Variants in FBXL17 observed in about 807,000 individuals in gnomAD.
FBXL17 encodes the protein F-box and leucine rich repeat protein 17, also known as F-box/LRR-repeat protein 17.
In FBXL17, 22 loss-of-function variants were observed where a neutral mutation model predicts 66.2. The observed-to-expected ratio is 0.33, with a 90% confidence interval of 0.24 to 0.47. The LOEUF (loss-of-function observed/expected upper bound fraction) is 0.47, where lower values mean the gene tolerates loss of function less well. Among genes scored for constraint, FBXL17 ranks in the 20% least tolerant of loss-of-function variants. The pLI, the probability that FBXL17 is intolerant of heterozygous loss-of-function variation, is 1.00. For synonymous variants in FBXL17, 474 were observed against 400.5 expected (o/e 1.18, Z -2.19); for missense variants, 878 against 948.2 (o/e 0.93, Z 0.97).
chr5:108,109,846 T>C (rs1749961870), intron 6 of FBXL17, among the ~76,000 whole-genome samples: 1 of 152,204 alleles, frequency 6.6e-6, no homozygotes. Flanking sequence ...CAATACTACA[T>C]TTTATCTGAA....
At chr5:108,020,648 T>C (rs1457501105) in intron 7 of FBXL17, among the ~76,000 whole-genome samples, 1 of 151,804 alleles carries the variant, frequency 6.6e-6, no homozygotes, top group Non-Finnish European at 1.5e-5. Context: ...ATACCTCTTT[T>C]AGCTATACTT....
intron 4 of FBXL17, among the ~76,000 whole-genome samples, chr5:108,242,232 A>C (rs1755885381): frequency 1.3e-5 from 2 of 152,200 alleles, no homozygotes; most frequent in Non-Finnish European, 2.9e-5. Context: ...AGATATAGAT[A>C]GTACAATAAG....
rs543346520 is a variant in FBXL17 at position 108,253,258 on chromosome 5, A to T, written c.1507-29030T>A. 3.1e-4 allele frequency among the ~76,000 whole-genome samples: 45 copies of T among 147,480 alleles called. 1 individual carries two copies. In the East Asian group the frequency reaches 7.3e-3, roughly 24 times the overall value. On this transcript the variant is annotated intron_variant, in intron 4 of 8. Transcript: ENST00000542267. The stretch of plus-strand genomic sequence containing the variant: ...TAGGGAAAAAAGGTGATTTTTTTAA[A>T]AATTTTTATTTCTGTCCTGAGCAGG...
chr5:108,108,798 T>C (rs1231013491), intron 6 of FBXL17, among the ~76,000 whole-genome samples: 1 of 151,260 alleles, frequency 6.6e-6, no homozygotes, highest in Non-Finnish European at 1.5e-5. Context: ...TTTTTTTTTT[T>C]TTGAGACAGA....
At chr5:108,221,799 A>T (rs1035365846) in intron 5 of FBXL17, among the ~76,000 whole-genome samples, 14 of 152,174 alleles carry the variant, frequency 9.2e-5, no homozygotes, top group Admixed American at 9.2e-4. Flanking sequence ...TTTATTAAAA[A>T]CTGAGTCTAC....
rs116423148 is a variant in FBXL17 at position 108,010,761 on chromosome 5, G to A, written c.1822+10164C>T. 4.1e-3 allele frequency among the ~76,000 whole-genome samples: 622 copies of A among 152,170 alleles called. 4 individuals carry two copies. The highest frequency in any genetic ancestry group is 0.014 in the African/African-American group (599 of 41,520). ...CACTATCAAAAATAGGGCAATTTGA[G>A]CATCAATAAAAAAAAATTGCAATGG... On this transcript the variant is annotated intron_variant, in intron 7 of 8. Transcript: ENST00000542267.
intron 6 of FBXL17, among the ~76,000 whole-genome samples, chr5:108,083,799 A>G (rs1221131050): frequency 1.3e-5 from 2 of 151,236 alleles, no homozygotes; most frequent in African/African-American, 4.9e-5. Context: ...AACATGACCA[A>G]AAAAACATAT....
chr5:108,275,014 C>T (rs1196864968), intron 4 of FBXL17, among the ~76,000 whole-genome samples: 2 of 152,130 alleles, frequency 1.3e-5, no homozygotes, highest in Admixed American at 6.5e-5. Context: ...GAATTAAACC[C>T]CAAGTCTTTG....
intron 7 of FBXL17, among the ~76,000 whole-genome samples, chr5:107,954,067 G>A (rs531317313): frequency 4.7e-4 from 72 of 152,202 alleles, no homozygotes; most frequent in Admixed American, 2.6e-3. Context: ...TTTATAACTT[G>A]TTATTGGCTG....
At chr5:108,293,071 G>C (rs561083912) in intron 4 of FBXL17, among the ~76,000 whole-genome samples, 15 of 131,520 alleles carry the variant, frequency 1.1e-4, no homozygotes, top group African/African-American at 4.1e-4. Context: ...CTGGGCAACA[G>C]AGCAAGACTC....
rs759686809 is a variant in FBXL17, at chr5:108,365,008, A to G, written c.1117-13T>C. On this transcript the variant is annotated splice_polypyrimidine_tract_variant and intron_variant, in intron 2 of 8. Transcript: ENST00000542267. ...ATTCATCAGTGACCTGTAAGAGAAA[A>G]AGCAATAAATTTAAACTTTTGCTAA... is the stretch of plus-strand genomic sequence containing the variant. 2 of 1,578,114 alleles carry G rather than the reference A, an allele frequency of 1.3e-6. No individual in the cohort carries two copies. The highest frequency in any genetic ancestry group is 3.7e-5 in the Admixed American group (2 of 53,418).
At chr5:108,249,800 A>G (rs1756266153) in intron 4 of FBXL17, among the ~76,000 whole-genome samples, 1 of 152,134 alleles carries the variant, frequency 6.6e-6, no homozygotes, top group Non-Finnish European at 1.5e-5. Context: ...GACCACAATT[A>G]GATATATTCT....
chr5:108,000,900 T>C (rs568742452), intron 7 of FBXL17, among the ~76,000 whole-genome samples: 1 of 152,372 alleles, frequency 6.6e-6, no homozygotes, highest in African/African-American at 2.4e-5. Context: ...ATTATTTTAA[T>C]GCATTTGGCT....
intron 6 of FBXL17, among the ~76,000 whole-genome samples, chr5:108,063,392 G>C (rs1561392285): frequency 6.6e-6 from 1 of 152,164 alleles, no homozygotes; most frequent in Non-Finnish European, 1.5e-5. Context: ...TCTCATATTA[G>C]TTACAGGAAA....
At chr5:108,171,410 C>A (rs1223654138) in intron 6 of FBXL17, among the ~76,000 whole-genome samples, 1 of 152,154 alleles carries the variant, frequency 6.6e-6, no homozygotes, top group Non-Finnish European at 1.5e-5. Context: ...TATCTGTGAT[C>A]TTCAGCAAGA....
intron 5 of FBXL17, among the ~76,000 whole-genome samples, chr5:108,200,917 T>A (rs1199185985): frequency 6.6e-6 from 1 of 152,188 alleles, no homozygotes. Flanking sequence ...ACTGGGCAAG[T>A]GTGTCTAGAG....
chr5:108,054,734 T>C lies in FBXL17; in HGVS notation c.1746-33733A>G, dbSNP rs148564755. On this transcript the variant is annotated intron_variant, in intron 6 of 8. Coordinates refer to ENST00000542267, the MANE Select transcript of FBXL17 (RefSeq NM_001163315.3). ...TTTGGCTACAGAAAGCAGGCTTTTG[T>C]TGGAGCATTTCTGTCTGTGCCCATT... Among the ~76,000 whole-genome samples the C allele has an allele frequency of 2.6e-4, 39 of 152,346 alleles. No individual in the cohort carries two copies. The East Asian group carries it at 7.1e-3, about 28-fold the overall frequency.
rs1261517166 is a variant in FBXL17 at position 108,081,968 on chromosome 5, T to C, written c.1746-60967A>G. On this transcript the variant is annotated intron_variant, in intron 6 of 8. Coordinates refer to ENST00000542267, the MANE Select transcript of FBXL17 (RefSeq NM_001163315.3). ...TGCAAGTTCATCAAGAAGGAAAGAG[T>C]TAAGCCTAACTCTCAACTCTTCATA... is the stretch of plus-strand genomic sequence containing the variant. Among the ~76,000 whole-genome samples, 3 of 151,990 alleles carry C rather than the reference T, an allele frequency of 2.0e-5. No individual in the cohort carries two copies. The South Asian group carries it at 6.2e-4, about 32-fold the overall frequency.
chr5:107,931,556 ATT>A (rs5870289), intron 7 of FBXL17, among the ~76,000 whole-genome samples: 1 of 150,894 alleles, frequency 6.6e-6, no homozygotes, highest in African/African-American at 2.4e-5. Flanking sequence ...GAGGCTGAGA[ATT>A]TTTTTTTTAA....
Sources: gnomAD v4.1 joint callset for allele counts (sites outside exome capture counted in the v4.1 genomes callset) on GRCh38, gnomAD v4.1.1 for gene constraint, MANE v1.5 for transcripts, NCBI Gene and HGNC (gene_info 2026-07-23, HGNC 2026-07-21) for gene names.